Variants in MAPKAP1 observed in about 807,000 individuals in gnomAD.
MAPKAP1 encodes the protein target of rapamycin complex 2 subunit MAPKAP1.
In MAPKAP1, 20 loss-of-function variants were observed where a neutral mutation model predicts 65.7. The ratio of observed to expected loss-of-function variants is 0.30; its 90% CI spans 0.21 to 0.44. MAPKAP1 has a LOEUF of 0.44. Among genes scored for constraint, MAPKAP1 ranks in the 20% least tolerant of loss-of-function variants. The pLI, the probability that MAPKAP1 is intolerant of heterozygous loss-of-function variation, is 1.00. For missense variants in MAPKAP1, 423 were observed against 648.0 expected, an observed-to-expected ratio of 0.65 and a Z score of 3.77; for synonymous variants, 222 against 244.3, an observed-to-expected ratio of 0.91 and a Z score of 0.85.
chr9:125,542,792 CTCTG>C (rs1458438003), intron 7 of MAPKAP1, among the ~76,000 whole-genome samples: 7 of 152,324 alleles, frequency 4.6e-5, no homozygotes, highest in Non-Finnish European at 8.8e-5. Context: ...GCACAAGTAG[CTCTG>C]TCTGAGTCTA....
intron 4 of MAPKAP1, 75 bp from the exon 5 acceptor site, chr9:125,585,802 G>A (rs982701516): frequency 1.4e-6 from 2 of 1,421,888 alleles, no homozygotes; most frequent in Non-Finnish European, 2.0e-6. Flanking sequence ...CAGGCCTGTG[G>A]GCAGCACAGC....
At chr9:125,584,623 C>T (rs1347950386) in intron 5 of MAPKAP1, among the ~76,000 whole-genome samples, 1 of 152,138 alleles carries the variant, frequency 6.6e-6, no homozygotes, top group Non-Finnish European at 1.5e-5. Context: ...GAAAGGGTTT[C>T]ACCATGTTGG....
chr9:125,596,133 G>A (rs1368338870), intron 4 of MAPKAP1: 7 of 785,154 alleles, frequency 8.9e-6, no homozygotes, highest in South Asian at 5.3e-5. Context: ...TGATGGCCAC[G>A]ACTCCGTGGA....
chr9:125,533,973 T>C (rs113353631), intron 7 of MAPKAP1, among the ~76,000 whole-genome samples: 2,215 of 152,312 alleles, frequency 0.015, 19 homozygotes, highest in South Asian at 0.041. Context: ...AAATGTGTGG[T>C]CACTCTAATA....
At chr9:125,619,454 G>A (rs1263286365) in intron 4 of MAPKAP1, among the ~76,000 whole-genome samples, 1 of 151,596 alleles carries the variant, frequency 6.6e-6, no homozygotes, top group Admixed American at 6.6e-5. Flanking sequence ...TCCGGCCTGG[G>A]CGAAAGAGCA....
At chr9:125,495,973 T>C (rs998785630) in intron 8 of MAPKAP1, among the ~76,000 whole-genome samples, 3 of 152,236 alleles carry the variant, frequency 2.0e-5, no homozygotes, top group African/African-American at 4.8e-5. Flanking sequence ...CACTCAGTAA[T>C]GGTGAACGCT....
intron 4 of MAPKAP1, among the ~76,000 whole-genome samples, chr9:125,644,294 C>T (rs1274723625): frequency 6.6e-6 from 1 of 151,724 alleles, no homozygotes; most frequent in African/African-American, 2.4e-5. Flanking sequence ...AGATGGGGTG[C>T]ATAATAAGGG....
chr9:125,533,640 G>A (rs55749735), intron 7 of MAPKAP1, among the ~76,000 whole-genome samples: 11 of 152,156 alleles, frequency 7.2e-5, no homozygotes, highest in East Asian at 3.9e-4. Context: ...TAGTAGAGAC[G>A]AGGTTTTGCC....
chr9:125,555,209 G>T (rs944951132), intron 6 of MAPKAP1, among the ~76,000 whole-genome samples: 1 of 152,140 alleles, frequency 6.6e-6, no homozygotes, highest in South Asian at 2.1e-4. Context: ...AAACTCATTT[G>T]GATAAACATT....
At chr9:125,454,922 A>AT (rs969197265) in intron 10 of MAPKAP1, among the ~76,000 whole-genome samples, 7 of 152,156 alleles carry the variant, frequency 4.6e-5, no homozygotes, top group African/African-American at 1.7e-4. Context: ...GCAGTGGCTC[A>AT]TGCCTGTAAT....
At chr9:125,511,965 T>C (rs1432694492) in intron 7 of MAPKAP1, among the ~76,000 whole-genome samples, 4 of 152,206 alleles carry the variant, frequency 2.6e-5, no homozygotes, top group Non-Finnish European at 5.9e-5. Context: ...GAACAAAATA[T>C]TGCTTTGGGC....
At chr9:125,494,299 C>T (rs370619240) in intron 8 of MAPKAP1, among the ~76,000 whole-genome samples, 12 of 152,304 alleles carry the variant, frequency 7.9e-5, no homozygotes, top group South Asian at 6.2e-4. Context: ...CACACACACA[C>T]GTTCATGCCC....
At chr9:125,693,834 T>TACACACACACACACACACAC (rs1430763244) in intron 1 of MAPKAP1, among the ~76,000 whole-genome samples, 1 of 87,772 alleles carries the variant, frequency 1.1e-5, no homozygotes, top group African/African-American at 4.6e-5. Context: ...CACACACATA[T>TACACACACACACACACACAC]ATATACACAC....
intron 6 of MAPKAP1, among the ~76,000 whole-genome samples, chr9:125,546,830 C>G (rs1356348242): frequency 6.6e-6 from 1 of 152,058 alleles, no homozygotes; most frequent in Non-Finnish European, 1.5e-5. Flanking sequence ...GATGAACAGG[C>G]AGGCTACACA....
Position 125,557,334 on chromosome 9 carries a change from GA to G in MAPKAP1, c.848+2298del, listed in dbSNP as rs200723758. Among the ~76,000 whole-genome samples the G allele has an allele frequency of 7.4e-3, 1,130 of 152,158 alleles. 19 individuals carry two copies. The highest frequency in any genetic ancestry group is 0.025 in the African/African-American group (1,053 of 41,496). ...ATGATCATGTGTTAACATTCATGTA[GA>G]AAAAGTTCTAGTCATATTAATAATC... On this transcript the variant is annotated intron_variant, in intron 6 of 11. Transcript: ENST00000265960.
At chr9:125,693,277 G>A (rs1232277687) in intron 1 of MAPKAP1, among the ~76,000 whole-genome samples, 2 of 151,872 alleles carry the variant, frequency 1.3e-5, no homozygotes, top group African/African-American at 4.8e-5. Flanking sequence ...AGCCAAGCGT[G>A]GTGGCACGCA....
rs58671780 is a variant in MAPKAP1, at chr9:125,625,255, TAAAAAAAAAAAA to T, written c.498+32384_498+32395del. ...TATCAATAAAAAAAAAATAAATAAATAAAAAAAAAAAAAAAAAAAAAAAAACAAGGGAGAGAA... is the reference window on the plus strand; with the variant it reads ...TATCAATAAAAAAAAAATAAATAAATAAAAAAAAAAAAACAAGGGAGAGAA... On this transcript the variant is annotated intron_variant, in intron 4 of 11. Transcript: ENST00000265960. Among the ~76,000 whole-genome samples, 11 of 64,670 alleles carry T rather than the reference TAAAAAAAAAAAA, an allele frequency of 1.7e-4. 1 individual carries two copies. Among genetic ancestry groups the T allele is most frequent in the Non-Finnish European group, 3.0e-4 (10 of 32,848 alleles). The allele number at this position is 64,670 out of a possible 152,430, so 42.4% of individuals were successfully genotyped here.
chr9:125,489,179 T>C (rs1854610629), intron 8 of MAPKAP1, among the ~76,000 whole-genome samples: 1 of 152,086 alleles, frequency 6.6e-6, no homozygotes, highest in African/African-American at 2.4e-5. Flanking sequence ...ATAAACATAC[T>C]GAAAAAACAA....
chr9:125,550,143 C>T (rs974621219), intron 6 of MAPKAP1, among the ~76,000 whole-genome samples: 4 of 152,202 alleles, frequency 2.6e-5, no homozygotes, highest in African/African-American at 9.7e-5. Flanking sequence ...AGAATGTATT[C>T]ACCATGCAGT....
Sources: allele counts gnomAD v4.1 joint callset (sites outside exome capture counted in the v4.1 genomes callset), GRCh38; gene constraint gnomAD v4.1.1; transcripts MANE v1.5; gene names NCBI Gene and HGNC (gene_info 2026-07-23, HGNC 2026-07-21).